Variants in RTN4RL1 observed in about 807,000 individuals in gnomAD.
RTN4RL1 encodes reticulon-4 receptor-like 1.
In RTN4RL1, 7 loss-of-function variants were observed where a neutral mutation model predicts 25.6. The observed-to-expected ratio is 0.27, with a 90% CI of 0.16 to 0.51. The LOEUF is 0.51. Ranked by LOEUF, RTN4RL1 falls within the 20% of genes least tolerant of loss-of-function variation. RTN4RL1 has a pLI of 0.97. For synonymous variants in RTN4RL1, 297 were observed against 288.2 expected, an observed-to-expected ratio of 1.03 and a Z score of -0.31; for missense variants, 500 against 615.6, an observed-to-expected ratio of 0.81 and a Z score of 1.99.
chr17:1,939,178 C>T (rs942167742), intron 1 of RTN4RL1, among the ~76,000 whole-genome samples: 38 of 151,730 alleles, frequency 2.5e-4, no homozygotes, highest in South Asian at 4.2e-4. Context: ...CGGCGAAACC[C>T]CGTCTCTACT....
intron 1 of RTN4RL1, among the ~76,000 whole-genome samples, chr17:1,942,608 G>A (rs980606582): frequency 1.3e-5 from 2 of 152,150 alleles, no homozygotes; most frequent in African/African-American, 2.4e-5. Flanking sequence ...TGCCTCACAG[G>A]GTTGCCTTAG....
intron 1 of RTN4RL1, among the ~76,000 whole-genome samples, chr17:1,971,789 C>T (rs918200125): frequency 3.8e-4 from 58 of 151,882 alleles, no homozygotes; most frequent in Non-Finnish European, 5.4e-4. Flanking sequence ...GGTGAAACCC[C>T]GTCTCTACTA....
At chr17:1,955,704 C>A (rs1344997029) in intron 1 of RTN4RL1, among the ~76,000 whole-genome samples, 1 of 151,852 alleles carries the variant, frequency 6.6e-6, no homozygotes, top group African/African-American at 2.4e-5. Context: ...CCATCTCAAC[C>A]TCCTGAGTAG....
At chr17:1,960,622 C>T (rs1300037276) in intron 1 of RTN4RL1, among the ~76,000 whole-genome samples, 1 of 152,194 alleles carries the variant, frequency 6.6e-6, no homozygotes, top group East Asian at 1.9e-4. Context: ...TGGCACGCAG[C>T]ATATTCGCAA....
At chr17:1,955,645 G>A (rs1369924567) in intron 1 of RTN4RL1, among the ~76,000 whole-genome samples, 2 of 151,286 alleles carry the variant, frequency 1.3e-5, no homozygotes, top group Non-Finnish European at 2.9e-5. Context: ...GTGCAGTGGC[G>A]CGATCTCGGC....
intron 1 of RTN4RL1, among the ~76,000 whole-genome samples, chr17:1,982,611 CTCAAAAGAAAAGAAA>C (rs990597956): frequency 1.6e-5 from 2 of 126,612 alleles, no homozygotes; most frequent in African/African-American, 6.6e-5. Flanking sequence ...GAGACTCCGT[CTCAAAAGAAAAGAAA>C]AGAAAAGAAA....
rs557485708 is a variant in RTN4RL1, at chr17:1,936,900, C to A, written c.922G>T (p.Ala308Ser). 17 of 1,608,626 alleles carry A rather than the reference C, an allele frequency of 1.1e-5. No individual in the cohort carries two copies. The highest frequency in any genetic ancestry group is 1.4e-5 in the Non-Finnish European group (17 of 1,177,958). ...AEDFRNCTGP[A>S]SPHQIKSHTL... Reference sequence around the variant, plus strand: ...TGTGACTTGATCTGGTGCGGGGACGCTGGTCCCGTGCAGTTCCGGAAGTCC... The same window carrying A: ...TGTGACTTGATCTGGTGCGGGGACGATGGTCCCGTGCAGTTCCGGAAGTCC... Residue 308 changes from alanine (A) to serine (S), a missense_variant, in exon 2 of 2, where the codon GCG becomes TCG. Around this residue, in one of 2 missense-constraint regions of RTN4RL1, gnomAD observed 268 missense variants for 274.5 expected, o/e 0.98. Transcript: ENST00000331238.
In RTN4RL1 at chr17:2,023,871, C is replaced by T. The variant is rs150758222; in HGVS notation, c.13+982G>A. Among the ~76,000 whole-genome samples, 993 of 152,294 alleles carry T rather than the reference C, an allele frequency of 6.5e-3. 13 individuals carry two copies. The highest frequency in any genetic ancestry group is 0.021 in the African/African-American group (887 of 41,548). On this transcript the variant is annotated intron_variant, in intron 1 of 1. Transcript: ENST00000331238. ...CCCGCCTCAGCCGCTCCCGCAGGGC[C>T]GGGGCAGCCAGCCGCAGGCGCCGCG...
intron 1 of RTN4RL1, among the ~76,000 whole-genome samples, chr17:1,964,495 G>A (rs2066779980): frequency 6.6e-6 from 1 of 152,068 alleles, no homozygotes; most frequent in African/African-American, 2.4e-5. Flanking sequence ...CACTTTGGGA[G>A]GCCAAGGCAG....
At chr17:1,993,180 G>A (rs1438576311) in intron 1 of RTN4RL1, among the ~76,000 whole-genome samples, 4 of 152,094 alleles carry the variant, frequency 2.6e-5, no homozygotes, top group Admixed American at 6.5e-5. Context: ...CCTGGGAGGC[G>A]GAGGTTGCAG....
intron 1 of RTN4RL1, among the ~76,000 whole-genome samples, chr17:1,996,399 G>A (rs56063362): frequency 0.26 from 13,991 of 53,684 alleles, 763 homozygotes; most frequent in Middle Eastern, 0.37. Flanking sequence ...CCTCCCCCCC[G>A]GCCCAAGGTC....
At chr17:1,982,998 G>T (rs1444026887) in intron 1 of RTN4RL1, among the ~76,000 whole-genome samples, 1 of 152,140 alleles carries the variant, frequency 6.6e-6, no homozygotes, top group Admixed American at 6.5e-5. Context: ...AGTGCCTCTG[G>T]GGGGCCATTT....
At chr17:2,018,111 GGGA>G (rs55951874) in intron 1 of RTN4RL1, 3,780 of 152,758 alleles carry the variant, frequency 0.025, 64 homozygotes, top group Non-Finnish European at 0.04. Flanking sequence ...CCAGGAGGTA[GGGA>G]GCACTACAAG....
At position 1,936,680 on chromosome 17, in the gene RTN4RL1, G is replaced by C; in HGVS notation, c.1142C>G (p.Ala381Gly). The C allele has an allele frequency of 6.3e-7, 1 of 1,583,120 alleles. No homozygotes were observed. The highest frequency in any genetic ancestry group is 1.2e-5 in the South Asian group (1 of 85,672). Residue 381 changes from alanine to glycine, a missense_variant, in exon 2 of 2, where the codon GCC becomes GGC. Ala to Gly is a moderately conservative substitution (Grantham distance 60). This residue lies in a region of RTN4RL1 where 268 missense variants were observed against 274.5 expected (regional missense o/e 0.98). Coordinates refer to ENST00000331238, the MANE Select transcript of RTN4RL1 (RefSeq NM_178568.4). ...ACTGAACTTGTGCTGGTAGTCTGGG[G>C]CATAGTCTGGCAGCTCGGGGGCCTG... Reference protein sequence around the residue: ...GKQAPELPDYAPDYQHKFSFD... With the variant: ...GKQAPELPDYGPDYQHKFSFD...
intron 1 of RTN4RL1, chr17:2,003,404 C>G (rs1412007933): frequency 6.6e-6 from 1 of 151,878 alleles, no homozygotes; most frequent in Non-Finnish European, 1.5e-5. Context: ...TGCCCAGAGT[C>G]CCCCCAGAGC....
At chr17:2,001,273 C>G (rs1213663580) in intron 1 of RTN4RL1, among the ~76,000 whole-genome samples, 2 of 151,612 alleles carry the variant, frequency 1.3e-5, no homozygotes, top group African/African-American at 4.9e-5. Flanking sequence ...GAGATGGAGT[C>G]TCACTCTGTT....
At chr17:1,977,934 CGCACCCT>C (rs766139966) in intron 1 of RTN4RL1, among the ~76,000 whole-genome samples, 22 of 151,628 alleles carry the variant, frequency 1.5e-4, no homozygotes, top group African/African-American at 4.8e-4. Flanking sequence ...TCCCGCACCC[CGCACCCT>C]GCACCCTGGA....
rs375413974 is a variant in RTN4RL1, at chr17:1,944,617, C to T, written c.14-6809G>A. Among the ~76,000 whole-genome samples, 188 of 152,156 alleles carry T rather than the reference C, an allele frequency of 1.2e-3. 1 individual carries two copies. Among genetic ancestry groups the T allele is most frequent in the African/African-American group, 4.4e-3 (181 of 41,500 alleles). On this transcript the variant is annotated intron_variant, in intron 1 of 1. Coordinates refer to ENST00000331238, the MANE Select transcript of RTN4RL1 (RefSeq NM_178568.4). ...GATTACAGGTGCCCACCACCACACC[C>T]GGCTAATTTTTGTATTTTTAGTAGA...
chr17:1,979,687 G>C (rs747017992), intron 1 of RTN4RL1, among the ~76,000 whole-genome samples: 1 of 152,132 alleles, frequency 6.6e-6, no homozygotes, highest in South Asian at 2.1e-4. Context: ...CAATCACTGC[G>C]CACCTGCTAT....
Sources: gnomAD v4.1 joint callset for allele counts (sites outside exome capture counted in the v4.1 genomes callset) on GRCh38, gnomAD v4.1.1 for gene constraint, gnomAD v4.1.1 regional missense constraint, MANE v1.5 for transcripts, NCBI Gene and HGNC (gene_info 2026-07-23, HGNC 2026-07-21) for gene names.